Variants in IGSF11 observed in about 807,000 individuals in gnomAD.
IGSF11 encodes the protein immunoglobulin superfamily member 11, also known as CXADR like 1.
Under a neutral mutation model 41.0 loss-of-function variants are expected in IGSF11, and 22 were observed. The ratio of observed to expected loss-of-function variants is 0.54; its 90% CI spans 0.38 to 0.77. The LOEUF (loss-of-function observed/expected upper bound fraction) is 0.77. Among genes scored for constraint, IGSF11 ranks in the 30% least tolerant of loss-of-function variants. The probability of loss-of-function intolerance (pLI) is 0.00; values close to 1 mark genes in which losing one functional copy is unlikely to be tolerated. For missense variants in IGSF11, 444 were observed against 530.8 expected, an observed-to-expected ratio of 0.84 and a Z score of 1.61; for synonymous variants, 219 against 201.3, an observed-to-expected ratio of 1.09 and a Z score of -0.74.
chr3:118,967,930 A>G (rs921681463), intron 1 of IGSF11, among the ~76,000 whole-genome samples: 1 of 152,152 alleles, frequency 6.6e-6, no homozygotes, highest in Non-Finnish European at 1.5e-5. Flanking sequence ...ACATTTGCCA[A>G]TAACTTTAAT....
At chr3:119,047,441 A>G (rs1323475426) in intron 1 of IGSF11, among the ~76,000 whole-genome samples, 4 of 152,228 alleles carry the variant, frequency 2.6e-5, no homozygotes, top group Admixed American at 2.6e-4. Context: ...CAAAAAGAAG[A>G]GCTAACTATC....
chr3:118,926,033 A>C, intron 4 of IGSF11, 68 bp downstream of exon 4: 2 of 1,176,894 alleles, frequency 1.7e-6, no homozygotes, highest in African/African-American at 3.1e-5. Context: ...TATTAAAGTT[A>C]ATTACTTTTT....
intron 1 of IGSF11, among the ~76,000 whole-genome samples, chr3:118,933,319 T>C (rs1263417101): frequency 6.6e-6 from 1 of 152,076 alleles, no homozygotes; most frequent in Non-Finnish European, 1.5e-5. Flanking sequence ...CAGAGCTAAA[T>C]ATTATCATCA....
chr3:118,944,058 C>T (rs181595766), intron 1 of IGSF11, among the ~76,000 whole-genome samples: 4 of 152,330 alleles, frequency 2.6e-5, no homozygotes, highest in African/African-American at 9.6e-5. Flanking sequence ...TCACCAGTAA[C>T]ACTGCTTCTT....
intron 1 of IGSF11, among the ~76,000 whole-genome samples, chr3:119,131,821 A>T (rs1299359605): frequency 6.6e-6 from 1 of 152,238 alleles, no homozygotes; most frequent in Admixed American, 6.5e-5. Context: ...GTTACCTACA[A>T]AGGGAAGCCC....
intron 1 of IGSF11, chr3:119,105,088 A>G (rs577299969): frequency 1.8e-6 from 2 of 1,134,582 alleles, no homozygotes; most frequent in African/African-American, 1.5e-5. Flanking sequence ...CAGCCAGGCC[A>G]TAAGAGATAA....
chr3:118,903,886 G>A (rs567976523), intron 6 of IGSF11, among the ~76,000 whole-genome samples: 17 of 152,294 alleles, frequency 1.1e-4, no homozygotes, highest in Admixed American at 1.1e-3. Flanking sequence ...AAGGAATTTA[G>A]TAAAGAGATG....
chr3:119,085,010 G>A (rs1024619466), intron 1 of IGSF11, among the ~76,000 whole-genome samples: 2 of 152,162 alleles, frequency 1.3e-5, no homozygotes, highest in African/African-American at 2.4e-5. Context: ...GTCCAATAAG[G>A]GTGTGGCCTA....
Position 119,046,241 on chromosome 3 carries a change from T to C in IGSF11, c.49+58903A>G, listed in dbSNP as rs571786142. Among the ~76,000 whole-genome samples, 325 of 147,476 alleles carry C rather than the reference T, an allele frequency of 2.2e-3. 1 individual carries two copies. Among genetic ancestry groups the C allele is most frequent in the African/African-American group, 7.8e-3 (311 of 39,822 alleles). On this transcript the variant is annotated intron_variant, in intron 1 of 6. Coordinates refer to the IGSF11 transcript ENST00000354673. ...AACCAAAGGCAAAGAAGTTGAAAAC[T>C]TTGAAAAAAATTTAGAAGAATGTAT... is the stretch of plus-strand genomic sequence containing the variant.
At chr3:119,103,682 T>A (rs2076974850) in intron 1 of IGSF11, among the ~76,000 whole-genome samples, 1 of 151,814 alleles carries the variant, frequency 6.6e-6, no homozygotes, top group African/African-American at 2.4e-5. Context: ...GTCTCTTTGG[T>A]CCACCCTGTA....
At chr3:119,145,066 G>C (rs1275060884) in intron 1 of IGSF11, among the ~76,000 whole-genome samples, 1 of 152,096 alleles carries the variant, frequency 6.6e-6, no homozygotes, top group African/African-American at 2.4e-5. Context: ...TATGTTCTAG[G>C]CACTGTTACA....
intron 1 of IGSF11, among the ~76,000 whole-genome samples, chr3:119,020,908 G>A (rs1467218254): frequency 3.3e-5 from 5 of 152,062 alleles, no homozygotes; most frequent in African/African-American, 1.2e-4. Context: ...AATTCCAACT[G>A]TAGTTATGTA....
intron 4 of IGSF11, 126 bp downstream of exon 4, chr3:118,925,975 G>T: frequency 1.8e-6 from 1 of 569,168 alleles, no homozygotes; most frequent in East Asian, 3.3e-5. Context: ...AACACAAAAT[G>T]ATCCAGAAAG....
At chr3:119,057,965 C>A (rs1206194443) in intron 1 of IGSF11, among the ~76,000 whole-genome samples, 2 of 152,056 alleles carry the variant, frequency 1.3e-5, no homozygotes, top group African/African-American at 2.4e-5. Flanking sequence ...CTTATACAAA[C>A]ATTAATTCAA....
At chr3:119,058,285 C>A (rs1004806803) in intron 1 of IGSF11, among the ~76,000 whole-genome samples, 49 of 152,140 alleles carry the variant, frequency 3.2e-4, no homozygotes, top group African/African-American at 1.2e-3. Context: ...AAGAAAAAAA[C>A]AAACAACCCC....
chr3:119,109,295 A>C (rs1220594343), upstream of IGSF11, among the ~76,000 whole-genome samples: 3 of 151,100 alleles, frequency 2.0e-5, no homozygotes, highest in South Asian at 2.1e-4. Context: ...CAGAGATTCA[A>C]CTTCTTCCTG....
chr3:119,078,480 C>G (rs917599933), intron 1 of IGSF11, among the ~76,000 whole-genome samples: 9 of 152,048 alleles, frequency 5.9e-5, no homozygotes, highest in Non-Finnish European at 1.2e-4. Context: ...ACTCCCTGTC[C>G]AACAAATGGT....
intron 4 of IGSF11, among the ~76,000 whole-genome samples, chr3:118,911,607 G>A (rs1260913116): frequency 6.6e-6 from 1 of 151,944 alleles, no homozygotes; most frequent in African/African-American, 2.4e-5. Flanking sequence ...ACTCCAGCCT[G>A]GGTGGGTAAC....
At chr3:118,999,337 A>G (rs1490273751) in intron 1 of IGSF11, among the ~76,000 whole-genome samples, 2 of 152,194 alleles carry the variant, frequency 1.3e-5, no homozygotes, top group Admixed American at 1.3e-4. Context: ...ATATTGCTCA[A>G]TGACTAGGTT....
Sources: gnomAD v4.1 joint callset for allele counts (sites outside exome capture counted in the v4.1 genomes callset) on GRCh38, gnomAD v4.1.1 for gene constraint, MANE v1.5 for transcripts, NCBI Gene and HGNC (gene_info 2026-07-23, HGNC 2026-07-21) for gene names.